LRFN5: variants seen among roughly 807,000 people sequenced by gnomAD.
LRFN5 encodes leucine rich repeat and fibronectin type III domain containing 5.
A neutral mutation model predicts 45.6 loss-of-function variants in LRFN5; 24 were observed. The ratio of observed to expected loss-of-function variants is 0.53; its 90% CI spans 0.38 to 0.74. The LOEUF (loss-of-function observed/expected upper bound fraction) is 0.74. Among genes scored for constraint, LRFN5 ranks in the 30% least tolerant of loss-of-function variants. The probability of loss-of-function intolerance (pLI) is 0.00; values close to 1 mark genes in which losing one functional copy is unlikely to be tolerated. For synonymous variants in LRFN5, 340 were observed against 313.8 expected, an observed-to-expected ratio of 1.08 and a Z score of -0.88; for missense variants, 776 against 861.5, an observed-to-expected ratio of 0.90 and a Z score of 1.24.
At chr14:41,791,529 C>A (rs566894438) in intron 2 of LRFN5, among the ~76,000 whole-genome samples, 7 of 152,120 alleles carry the variant, frequency 4.6e-5, no homozygotes, top group African/African-American at 1.7e-4. Flanking sequence ...CCATTTATTT[C>A]CCTTAACTTT....
chr14:41,861,242 A>C (rs1889649316), intron 2 of LRFN5, among the ~76,000 whole-genome samples: 1 of 152,184 alleles, frequency 6.6e-6, no homozygotes, highest in African/African-American at 2.4e-5. Context: ...TTATGCCTGA[A>C]TCAATTATTA....
At chr14:41,864,890 G>T (rs1889786431) in intron 2 of LRFN5, among the ~76,000 whole-genome samples, 1 of 151,052 alleles carries the variant, frequency 6.6e-6, no homozygotes, top group African/African-American at 2.4e-5. Context: ...CTATTACATT[G>T]TACCTTATTT....
intron 1 of LRFN5, among the ~76,000 whole-genome samples, chr14:41,704,436 C>A (rs77786526): frequency 7.8e-5 from 7 of 89,532 alleles, no homozygotes; most frequent in African/African-American, 3.8e-4. Flanking sequence ...CTCTCTCTCT[C>A]TCTCTCTCTC....
chr14:41,807,643 C>G (rs182852386), intron 2 of LRFN5, among the ~76,000 whole-genome samples: 1 of 152,040 alleles, frequency 6.6e-6, no homozygotes, highest in Non-Finnish European at 1.5e-5. Flanking sequence ...ACCACCCTGT[C>G]TGCTGGGAGG....
chr14:41,775,093 C>CTTTTTTTCT (rs1555316713), intron 2 of LRFN5, among the ~76,000 whole-genome samples: 3 of 112,492 alleles, frequency 2.7e-5, no homozygotes, highest in East Asian at 3.4e-4. Flanking sequence ...TTTTCTTTTT[C>CTTTTTTTCT]TTTTTTTTTT....
chr14:41,747,177 A>T (rs969059407), intron 1 of LRFN5, among the ~76,000 whole-genome samples: 1 of 151,948 alleles, frequency 6.6e-6, no homozygotes, highest in Non-Finnish European at 1.5e-5. Flanking sequence ...TTGTTGAAGA[A>T]ATTTTTAAAA....
intron 2 of LRFN5, among the ~76,000 whole-genome samples, chr14:41,770,381 T>A (rs546822455): frequency 1.6e-4 from 25 of 152,308 alleles, no homozygotes; most frequent in Admixed American, 3.3e-4. Context: ...CATTCCAACA[T>A]TAAGTCTAAA....
intron 2 of LRFN5, among the ~76,000 whole-genome samples, chr14:41,781,592 GAAAGAAAGAAA>G (rs1432769319): frequency 3.3e-5 from 3 of 89,822 alleles, no homozygotes; most frequent in Non-Finnish European, 6.7e-5. Flanking sequence ...AAGAAAGAAA[GAAAGAAAGAAA>G]GAAAGAAAGA....
intron 2 of LRFN5, among the ~76,000 whole-genome samples, chr14:41,863,355 A>G (rs1889734396): frequency 6.6e-6 from 1 of 152,126 alleles, no homozygotes; most frequent in Non-Finnish European, 1.5e-5. Flanking sequence ...TTGAAGATTG[A>G]TGAGTAGTCA....
chr14:41,869,049 T>C (rs536157776), intron 2 of LRFN5, among the ~76,000 whole-genome samples: 10 of 152,266 alleles, frequency 6.6e-5, no homozygotes, highest in Middle Eastern at 3.4e-3. Context: ...AAATCCAGAG[T>C]ATTCACTCAT....
chr14:41,618,292 T>A (rs928899005), intron 1 of LRFN5, among the ~76,000 whole-genome samples: 1 of 152,178 alleles, frequency 6.6e-6, no homozygotes, highest in African/African-American at 2.4e-5. Flanking sequence ...AGAATAGATG[T>A]GTGTTTCTCT....
At chr14:41,620,652 G>A in intron 1 of LRFN5, among the ~76,000 whole-genome samples, 1 of 149,280 alleles carries the variant, frequency 6.7e-6, no homozygotes, top group Admixed American at 6.7e-5. Context: ...TGTTTAAATA[G>A]CTATGTGAGT....
At position 41,859,625 on chromosome 14, in the gene LRFN5, T is replaced by C. The variant is rs144643665; in HGVS notation, c.-20-26981T>C. Among the ~76,000 whole-genome samples, 130 of 152,324 alleles carry C rather than the reference T, an allele frequency of 8.5e-4. No homozygotes were observed. The East Asian group carries it at 0.023, about 27-fold the overall frequency. On this transcript the variant is annotated intron_variant, in intron 2 of 5. Transcript: ENST00000298119. ...AGGTAGTGCTATAAATGAGTTCAAATGCAGGAAGAAGCTTTATTTAACAGA... is the reference window on the plus strand; with the variant it reads ...AGGTAGTGCTATAAATGAGTTCAAACGCAGGAAGAAGCTTTATTTAACAGA...
intron 1 of LRFN5, among the ~76,000 whole-genome samples, chr14:41,674,435 C>A (rs1227765727): frequency 3.6e-5 from 5 of 137,482 alleles, no homozygotes; most frequent in African/African-American, 5.5e-5. Flanking sequence ...GAGCTCCTCA[C>A]TTCCCAGTAG....
intron 1 of LRFN5, among the ~76,000 whole-genome samples, chr14:41,764,985 A>C (rs544046616): frequency 6.6e-6 from 1 of 152,244 alleles, no homozygotes; most frequent in Non-Finnish European, 1.5e-5. Flanking sequence ...GTAGATGTGC[A>C]CTGTTAGAAT....
At position 41,693,509 on chromosome 14, in the gene LRFN5, A is replaced by G. The variant is rs76115580; in HGVS notation, c.-196-73345A>G. Among the ~76,000 whole-genome samples the G allele has an allele frequency of 9.8e-3, 1,494 of 152,098 alleles. 7 individuals are homozygous for G. Among genetic ancestry groups the G allele is most frequent in the East Asian group, 0.02 (102 of 5,180 alleles). On this transcript the variant is annotated intron_variant, in intron 1 of 5. Transcript: ENST00000298119. The stretch of plus-strand genomic sequence containing the variant: ...TCTCAACAATGTTTTGGACGTTTGA[A>G]TGTGGTGGTTTTGTATATATTTTAT...
chr14:41,650,137 G>GT (rs1380622258), intron 1 of LRFN5, among the ~76,000 whole-genome samples: 5 of 151,846 alleles, frequency 3.3e-5, no homozygotes, highest in Non-Finnish European at 7.4e-5. Flanking sequence ...GCTCACACCT[G>GT]TAATCCCAGC....
chr14:41,841,061 T>C (rs1204335273), intron 2 of LRFN5, among the ~76,000 whole-genome samples: 3 of 151,920 alleles, frequency 2.0e-5, no homozygotes, highest in Admixed American at 6.6e-5. Context: ...GTATGGTATG[T>C]GTCTGTAGCA....
intron 1 of LRFN5, among the ~76,000 whole-genome samples, chr14:41,750,295 A>ATATATG (rs1034058231): frequency 3.4e-5 from 5 of 146,830 alleles, no homozygotes; most frequent in Admixed American, 2.7e-4. Context: ...ATATATATAT[A>ATATATG]TAAGATTTTT....
Sources: allele counts gnomAD v4.1 joint callset (sites outside exome capture counted in the v4.1 genomes callset), GRCh38; gene constraint gnomAD v4.1.1; transcripts MANE v1.5; gene names NCBI Gene and HGNC (gene_info 2026-07-23, HGNC 2026-07-21).